ZNF554: variants seen among roughly 807,000 people sequenced by gnomAD.
ZNF554 encodes zinc finger protein 554.
In ZNF554, 15 loss-of-function variants were observed where a neutral mutation model predicts 21.2. The observed-to-expected ratio is 0.71, with a 90% CI of 0.47 to 1.09. The LOEUF (loss-of-function observed/expected upper bound fraction) is 1.09, where lower values mean the gene tolerates loss of function less well. Among genes scored for constraint, ZNF554 ranks in the 50% least tolerant of loss-of-function variants. The pLI, the probability that ZNF554 is intolerant of heterozygous loss-of-function variation, is 0.00. For missense variants in ZNF554, 691 were observed against 662.7 expected (o/e 1.04, Z -0.47); for synonymous variants, 258 against 251.4 (o/e 1.03, Z -0.25).
intron 3 of ZNF554, among the ~76,000 whole-genome samples, 166 bp downstream of exon 3, chr19:2,827,909 G>A (rs547329790): frequency 3.9e-5 from 6 of 152,278 alleles, no homozygotes; most frequent in African/African-American, 1.4e-4. Context: ...TCACAATCAT[G>A]GTGGAAGGCG....
intron 4 of ZNF554, among the ~76,000 whole-genome samples, chr19:2,832,756 G>A (rs1350091031): frequency 6.6e-6 from 1 of 152,146 alleles, no homozygotes; most frequent in Non-Finnish European, 1.5e-5. Flanking sequence ...GGCCCAGGCT[G>A]GAGTGCAGTG....
intron 3 of ZNF554, chr19:2,831,593 CT>C (rs71179916): frequency 0.56 from 62,950 of 113,208 alleles, 18,477 homozygotes; most frequent in East Asian, 0.89. Context: ...TGCACCCGCC[CT>C]TTTTTTTTTT....
At chr19:2,822,902 C>A (rs989485421) in intron 1 of ZNF554, 138 bp from the exon 2 acceptor site, 1 of 761,014 alleles carries the variant, frequency 1.3e-6, no homozygotes, top group African/African-American at 1.7e-5. Flanking sequence ...GGCTTCAGTC[C>A]TGGGTTCTGG....
rs1191615890 is a variant in ZNF554 at position 2,834,521 on chromosome 19, C to T, written c.1286C>T (p.Thr429Ile). ...TCTTACCTGATCTTGCACAAGAGGA[C>T]ACACACCGGAGAGAAGCCCTACGAA... Reference protein sequence around the residue: ...QSSYLILHKRTHTGEKPYECS... With the variant: ...QSSYLILHKRIHTGEKPYECS... Residue 429 changes from threonine (T) to isoleucine (I), a missense_variant, in exon 5 of 5, where the codon ACA (threonine) becomes ATA (isoleucine). Thr to Ile is a moderately conservative substitution (Grantham distance 89, BLOSUM62 -1). Coordinates refer to ENST00000317243, the MANE Select transcript of ZNF554 (RefSeq NM_001102651.2). 3 of 1,614,088 alleles carry T rather than the reference C, an allele frequency of 1.9e-6. No individual in the cohort carries two copies. In the Admixed American group the frequency reaches 5.0e-5, roughly 27 times the overall value.
At chr19:2,822,869 A>G (rs991008936) in intron 1 of ZNF554, among the ~76,000 whole-genome samples, 171 bp from the exon 2 acceptor site, 1 of 152,172 alleles carries the variant, frequency 6.6e-6, no homozygotes, top group Non-Finnish European at 1.5e-5. Flanking sequence ...GGGAGACCCT[A>G]TCTCTTAAAA....
In ZNF554 at chr19:2,827,743, G is replaced by C. The variant is rs201172870; in HGVS notation, c.253G>C (p.Glu85Gln). 6.2e-7 allele frequency: 1 copy of C among 1,613,684 alleles called. No individual in the cohort carries two copies. Among genetic ancestry groups the C allele is most frequent in the African/African-American group, 1.3e-5 (1 of 74,862 alleles). ...GAACTACAGGAACGTGGTCTCCCTGGGTAAGGCAAGCATCACTAATTCCTG... is the reference window on the plus strand; with the variant it reads ...GAACTACAGGAACGTGGTCTCCCTGCGTAAGGCAAGCATCACTAATTCCTG... ...LENYRNVVSL[E>Q]ALKNQCTDVG... The change falls in exon 3 of 5, where the codon GAA (glutamate) becomes CAA (glutamine). Residue 85 changes from glutamate to glutamine, a missense_variant and splice_region_variant. Physicochemically the swap from Glu to Gln is conservative, Grantham distance 29 (BLOSUM62 2). Transcript: ENST00000317243.
Position 2,833,784 on chromosome 19 carries a change from T to C in ZNF554, c.549T>C (p.Asp183=), listed in dbSNP as rs767950259. 5.0e-6 allele frequency: 8 copies of C among 1,608,946 alleles called. No homozygotes were observed. The South Asian group carries it at 7.7e-5, about 16-fold the overall frequency. ...ATATGATAAAGCTTATCAGAGAAGA[T>C]GGGGGATGGAAGCAGTTAGAGGACA... The part of the protein sequence containing the change: ...GINMIKLIRE[D]GGWKQLEDSH... Residue 183 remains aspartate (D), a synonymous_variant, in exon 5 of 5, where the codon GAT becomes GAC. Transcript: ENST00000317243.
In ZNF554 at chr19:2,833,876, A is replaced by G. The variant is rs200556571; in HGVS notation, c.641A>G (p.Glu214Gly). Residue 214 changes from glutamate (E) to glycine (G), a missense_variant, in exon 5 of 5, where the codon GAG becomes GGG. Coordinates refer to ENST00000317243, the MANE Select transcript of ZNF554 (RefSeq NM_001102651.2). ...ASLHVVAVPQ[E>G]KATAWHGFGE... The stretch of plus-strand genomic sequence containing the variant: ...CTTCACGTAGTGGCCGTTCCTCAGG[A>G]GAAGGCTACTGCATGGCATGGATTT... 47 of 1,613,164 alleles carry G rather than the reference A, an allele frequency of 2.9e-5. No individual in the cohort carries two copies. In the African/African-American group the frequency reaches 5.7e-4, roughly 20 times the overall value.
chr19:2,820,663 G>A (rs115847529), intron 1 of ZNF554, among the ~76,000 whole-genome samples: 1,299 of 121,324 alleles, frequency 0.011, 26 homozygotes, highest in African/African-American at 0.035. Flanking sequence ...CCGCTGTCCT[G>A]GTGATAAGAC....
intron 2 of ZNF554, among the ~76,000 whole-genome samples, chr19:2,826,808 C>G (rs1413162388): frequency 6.6e-6 from 1 of 151,976 alleles, no homozygotes; most frequent in Non-Finnish European, 1.5e-5. Flanking sequence ...ACTACAGGCG[C>G]CCGCCATCAT....
At chr19:2,820,684 C>CTTTTTGTTTTTTTTTTTTTTTTT (rs2087250509) in intron 1 of ZNF554, among the ~76,000 whole-genome samples, 1 of 103,192 alleles carries the variant, frequency 9.7e-6, no homozygotes, top group Non-Finnish European at 2.0e-5. Context: ...AGCAAGGGTC[C>CTTTTTGTTTTTTTTTTTTTTTTT]TTTTTTTTTT....
chr19:2,826,534 C>T (rs532651296), intron 2 of ZNF554, among the ~76,000 whole-genome samples: 8 of 152,146 alleles, frequency 5.3e-5, no homozygotes, highest in South Asian at 2.1e-4. Flanking sequence ...TACCAGCTTA[C>T]GTGCTGTTTT....
Position 2,820,034 on chromosome 19 carries a change from C to A in ZNF554, c.-38C>A. 1 of 1,199,510 alleles carries A rather than the reference C, an allele frequency of 8.3e-7. No individual in the cohort carries two copies. 74.3% of individuals were successfully genotyped at this position (1,199,510 alleles called of 1,614,324 possible). A position where few individuals can be genotyped will look rare whatever the true frequency, so the allele number is the denominator to read the frequency against. ...GGCCGGCCTGCACGGGGCGCTCCCG[C>A]CTCGGGGGCCCTGTCTGGCGCCTCA... On this transcript the variant is annotated 5_prime_UTR_variant, in exon 1 of 5. Coordinates refer to ENST00000317243, the MANE Select transcript of ZNF554 (RefSeq NM_001102651.2).
chr19:2,824,921 A>G (rs993033830), intron 2 of ZNF554, among the ~76,000 whole-genome samples: 5 of 148,868 alleles, frequency 3.4e-5, no homozygotes, highest in African/African-American at 1.3e-4. Context: ...TGACAACTCT[A>G]GGGACCTCCT....
intron 2 of ZNF554, among the ~76,000 whole-genome samples, chr19:2,826,004 A>G (rs2317061): frequency 0.26 from 39,687 of 151,328 alleles, 6,360 homozygotes; most frequent in East Asian, 0.67. Flanking sequence ...AGGTTCAAGC[A>G]ATGCTCCTGC....
Position 2,836,063 on chromosome 19 carries a change from C to T in ZNF554, c.*1211C>T, listed in dbSNP as rs2144831790. Among the ~76,000 whole-genome samples the T allele has an allele frequency of 6.6e-6, 1 of 152,308 alleles. No homozygotes were observed. Among genetic ancestry groups the T allele is most frequent in the South Asian group, 2.1e-4 (1 of 4,828 alleles). ...GGTTGCCCAGGCTGGTCTCAAACTC[C>T]TGAGCTCAAGCAATCCACCCACCTT... On this transcript the variant is annotated 3_prime_UTR_variant, in exon 5 of 5. Coordinates refer to ENST00000317243, the MANE Select transcript of ZNF554 (RefSeq NM_001102651.2).
chr19:2,833,984 A>G lies in ZNF554; in HGVS notation c.749A>G (p.Asp250Gly), dbSNP rs536134668. Residue 250 changes from aspartate (D) to glycine (G), a missense_variant, in exon 5 of 5, where the codon GAT becomes GGT. Transcript: ENST00000317243. ...AACCACTTGTGTGGCAGCGAGTTAGATATTACAAGCTTGGCATCCGATTCA... is the reference window on the plus strand; with the variant it reads ...AACCACTTGTGTGGCAGCGAGTTAGGTATTACAAGCTTGGCATCCGATTCA... ...KGNHLCGSEL[D>G]ITSLASDSVL... The G allele has an allele frequency of 2.7e-5, 43 of 1,614,140 alleles. No homozygotes were observed. Among genetic ancestry groups the G allele is most frequent in the Non-Finnish European group, 3.4e-5 (40 of 1,180,040 alleles).
At chr19:2,829,386 C>T (rs1255369113) in intron 3 of ZNF554, among the ~76,000 whole-genome samples, 5 of 148,852 alleles carry the variant, frequency 3.4e-5, no homozygotes, top group African/African-American at 1.0e-4. Context: ...CAGTGGCTCA[C>T]GCCTGTAATC....
At chr19:2,822,747 G>A (rs1036976311) in intron 1 of ZNF554, among the ~76,000 whole-genome samples, 3 of 152,178 alleles carry the variant, frequency 2.0e-5, no homozygotes, top group Non-Finnish European at 4.4e-5. Context: ...ACATGGTGGT[G>A]CCTGTAGTTC....
Sources: allele counts gnomAD v4.1 joint callset (sites outside exome capture counted in the v4.1 genomes callset), GRCh38; gene constraint gnomAD v4.1.1; transcripts MANE v1.5; gene names NCBI Gene and HGNC (gene_info 2026-07-23, HGNC 2026-07-21).